Variants in CSMD1 observed in about 807,000 individuals in gnomAD.
The protein encoded by CSMD1 is CUB and Sushi multiple domains 1.
Under a neutral mutation model 417.5 loss-of-function variants are expected in CSMD1, and 213 were observed. The ratio of observed to expected loss-of-function variants is 0.51; its 90% CI spans 0.46 to 0.57. The LOEUF (loss-of-function observed/expected upper bound fraction) is 0.57. Ranked by LOEUF, CSMD1 falls within the 20% of genes least tolerant of loss-of-function variation. The pLI, the probability that CSMD1 is intolerant of heterozygous loss-of-function variation, is 0.00. For missense variants in CSMD1, 6,923 were observed against 4,529.7 expected (o/e 1.53, Z -15.17); for synonymous variants, 2,862 against 1,736.8 (o/e 1.65, Z -16.11).
chr8:3,104,150 G>C (rs1362478865), intron 46 of CSMD1, among the ~76,000 whole-genome samples: 2 of 152,106 alleles, frequency 1.3e-5, no homozygotes, highest in Non-Finnish European at 2.9e-5. Context: ...GAAACTTGAG[G>C]CTTTGTTTGT....
intron 1 of CSMD1, among the ~76,000 whole-genome samples, chr8:4,695,777 T>C (rs560682985): frequency 6.6e-6 from 1 of 152,364 alleles, no homozygotes; most frequent in Admixed American, 6.5e-5. Flanking sequence ...GTATCCCCGA[T>C]ATAGTATCAT....
intron 1 of CSMD1, among the ~76,000 whole-genome samples, chr8:4,854,889 G>T (rs1231762285): frequency 2.0e-5 from 3 of 152,350 alleles, no homozygotes; most frequent in Admixed American, 6.5e-5. Flanking sequence ...CAGCCAGGAA[G>T]CTCGAACTGG....
chr8:4,007,187 T>C (rs369962953), intron 4 of CSMD1, among the ~76,000 whole-genome samples: 15 of 152,146 alleles, frequency 9.9e-5, no homozygotes, highest in African/African-American at 2.4e-4. Context: ...CCCACTTTCA[T>C]AGAACATGCC....
intron 2 of CSMD1, among the ~76,000 whole-genome samples, chr8:4,469,485 A>T (rs761307133): frequency 6.6e-6 from 1 of 152,208 alleles, no homozygotes; most frequent in Non-Finnish European, 1.5e-5. Flanking sequence ...AGATCAAAAC[A>T]GGTGAGTAGA....
At chr8:3,436,280 T>C (rs995246320) in intron 12 of CSMD1, among the ~76,000 whole-genome samples, 2 of 152,212 alleles carry the variant, frequency 1.3e-5, no homozygotes, top group African/African-American at 2.4e-5. Context: ...GATAGTAAGA[T>C]ACATCCCATA....
At chr8:4,647,593 G>C (rs943092802) in intron 1 of CSMD1, among the ~76,000 whole-genome samples, 1 of 151,846 alleles carries the variant, frequency 6.6e-6, no homozygotes, top group Non-Finnish European at 1.5e-5. Flanking sequence ...ATGTCCTGGT[G>C]TGTGTTGTTC....
intron 41 of CSMD1, among the ~76,000 whole-genome samples, chr8:3,125,724 C>T (rs927145855): frequency 1.3e-5 from 2 of 152,234 alleles, no homozygotes; most frequent in Admixed American, 1.3e-4. Context: ...TGCCTGTAAT[C>T]CCAGCACTTT....
At chr8:4,735,457 A>G (rs918164808) in intron 1 of CSMD1, among the ~76,000 whole-genome samples, 2 of 152,234 alleles carry the variant, frequency 1.3e-5, no homozygotes, top group African/African-American at 4.8e-5. Flanking sequence ...CAAGTGTTGT[A>G]GGACGACAGA....
At chr8:3,333,090 C>A (rs563393006) in intron 23 of CSMD1, among the ~76,000 whole-genome samples, 2 of 152,264 alleles carry the variant, frequency 1.3e-5, no homozygotes, top group Admixed American at 1.3e-4. Flanking sequence ...CAGGGAAATG[C>A]CAGTGGCACC....
chr8:3,721,287 G>C (rs1222729774), intron 6 of CSMD1, among the ~76,000 whole-genome samples: 2 of 152,144 alleles, frequency 1.3e-5, no homozygotes, highest in African/African-American at 4.8e-5. Flanking sequence ...AAGGATCTGA[G>C]ATGAGTGGCC....
chr8:4,860,675 G>A (rs1802078380), intron 1 of CSMD1, among the ~76,000 whole-genome samples: 2 of 152,026 alleles, frequency 1.3e-5, no homozygotes, highest in South Asian at 4.1e-4. Flanking sequence ...TACTCACAAT[G>A]TTTGAAATGT....
intron 4 of CSMD1, among the ~76,000 whole-genome samples, chr8:4,029,665 C>G (rs1482182113): frequency 6.6e-6 from 1 of 152,096 alleles, no homozygotes. Context: ...TGGACCCACC[C>G]AAATCTCATG....
At chr8:3,323,417 T>A (rs17063096) in intron 23 of CSMD1, among the ~76,000 whole-genome samples, 1 of 151,996 alleles carries the variant, frequency 6.6e-6, no homozygotes, top group African/African-American at 2.4e-5. Flanking sequence ...CTAATAGTCA[T>A]CAAAGCCAGA....
intron 2 of CSMD1, among the ~76,000 whole-genome samples, chr8:4,521,122 CAA>C (rs1247105694): frequency 5.9e-5 from 9 of 152,094 alleles, no homozygotes; most frequent in African/African-American, 2.2e-4. Context: ...ACTGTTTCTT[CAA>C]AGTTCATCAA....
intron 2 of CSMD1, among the ~76,000 whole-genome samples, chr8:4,524,569 CTTTT>C (rs35453060): frequency 2.5e-5 from 3 of 117,944 alleles, no homozygotes; most frequent in Non-Finnish European, 1.7e-5. Flanking sequence ...CACACTTGGT[CTTTT>C]TTTTTTTTTT....
chr8:4,051,551 C>T (rs1798424406), intron 3 of CSMD1, among the ~76,000 whole-genome samples: 1 of 152,154 alleles, frequency 6.6e-6, no homozygotes, highest in Non-Finnish European at 1.5e-5. Context: ...AGAAAAGCAA[C>T]TCCAACAATC....
chr8:4,158,837 GA>G (rs1796985053), intron 3 of CSMD1, among the ~76,000 whole-genome samples: 1 of 152,144 alleles, frequency 6.6e-6, no homozygotes, highest in Admixed American at 6.5e-5. Context: ...CCAATAATAG[GA>G]AGTCAGTTTT....
At chr8:3,840,143 A>T (rs75951508) in intron 5 of CSMD1, among the ~76,000 whole-genome samples, 2,547 of 152,268 alleles carry the variant, frequency 0.017, 62 homozygotes, top group African/African-American at 0.057. Flanking sequence ...TGCTTCCTTT[A>T]TACTTAATGT....
chr8:3,756,302 G>C (rs756894706), intron 5 of CSMD1, among the ~76,000 whole-genome samples: 2 of 150,772 alleles, frequency 1.3e-5, no homozygotes, highest in Non-Finnish European at 2.9e-5. Flanking sequence ...GCAGTGAGCT[G>C]AGATCGCGCC....
Sources: gnomAD v4.1 joint callset for allele counts (sites outside exome capture counted in the v4.1 genomes callset) on GRCh38, gnomAD v4.1.1 for gene constraint, MANE v1.5 for transcripts, NCBI Gene and HGNC (gene_info 2026-07-23, HGNC 2026-07-21) for gene names.